MAPK10: variants seen among roughly 807,000 people sequenced by gnomAD.
The protein encoded by MAPK10 is mitogen-activated protein kinase 10, also known as JNK3 alpha protein kinase.
A neutral mutation model predicts 59.3 loss-of-function variants in MAPK10; 25 were observed. The ratio of observed to expected loss-of-function variants is 0.42; its 90% CI spans 0.31 to 0.59. The LOEUF (loss-of-function observed/expected upper bound fraction) is 0.59. MAPK10 is among the 20% of genes least tolerant of loss of function. The pLI is 0.15. For missense variants in MAPK10, 351 were observed against 568.9 expected (o/e 0.62, Z 3.90); for synonymous variants, 190 against 200.5 (o/e 0.95, Z 0.44).
chr4:86,435,626 C>G (rs552784699), intron 1 of MAPK10, among the ~76,000 whole-genome samples: 2 of 152,246 alleles, frequency 1.3e-5, no homozygotes, highest in South Asian at 4.2e-4. Context: ...GACTAGAGCT[C>G]AAATATTTAA....
chr4:86,523,109 CTT>C (rs1026080349), intron 1 of MAPK10, among the ~76,000 whole-genome samples: 1 of 152,166 alleles, frequency 6.6e-6, no homozygotes, highest in African/African-American at 2.4e-5. Context: ...TTCTACTACA[CTT>C]ATATTGATAT....
chr4:86,093,468 T>C (rs1468101175), intron 9 of MAPK10, among the ~76,000 whole-genome samples: 9 of 151,984 alleles, frequency 5.9e-5, no homozygotes, highest in South Asian at 2.1e-4. Context: ...TTAGCAGTTA[T>C]AAAATTAGAA....
intron 2 of MAPK10, among the ~76,000 whole-genome samples, chr4:86,258,648 G>T (rs991304746): frequency 1.3e-5 from 2 of 151,964 alleles, no homozygotes; most frequent in African/African-American, 4.8e-5. Flanking sequence ...CTTTGCTTTT[G>T]TCTCAGTGTT....
chr4:86,019,205 T>C (rs1199901919), intron 13 of MAPK10, among the ~76,000 whole-genome samples: 1 of 152,204 alleles, frequency 6.6e-6, no homozygotes, highest in Non-Finnish European at 1.5e-5. Context: ...TTCTTCCCGG[T>C]CATTCTTTTT....
chr4:86,486,106 C>T (rs1419413962), intron 1 of MAPK10, among the ~76,000 whole-genome samples: 1 of 152,294 alleles, frequency 6.6e-6, no homozygotes, highest in East Asian at 1.9e-4. Context: ...GACACAGTCA[C>T]AAATTAACTG....
intron 1 of MAPK10, among the ~76,000 whole-genome samples, chr4:86,493,396 A>C (rs1317297689): frequency 6.6e-6 from 1 of 152,218 alleles, no homozygotes; most frequent in Non-Finnish European, 1.5e-5. Context: ...ACAGAAAAGC[A>C]AATTTTAAAA....
At chr4:86,142,021 G>A (rs1478420978) in intron 4 of MAPK10, among the ~76,000 whole-genome samples, 1 of 152,122 alleles carries the variant, frequency 6.6e-6, no homozygotes, top group Non-Finnish European at 1.5e-5. Flanking sequence ...ACTTTCTTGG[G>A]AACTGATCTA....
intron 2 of MAPK10, among the ~76,000 whole-genome samples, chr4:86,223,047 C>A (rs1458961577): frequency 6.6e-6 from 1 of 152,200 alleles, no homozygotes; most frequent in Non-Finnish European, 1.5e-5. Flanking sequence ...CAAGAAACAG[C>A]CATTGACCCT....
At chr4:86,201,702 TA>T (rs1217808087) in intron 2 of MAPK10, among the ~76,000 whole-genome samples, 10 of 151,838 alleles carry the variant, frequency 6.6e-5, no homozygotes, top group African/African-American at 2.4e-4. Context: ...TTTATGAATT[TA>T]TTTTTTTATT....
chr4:86,474,740 T>C (rs1024186331), intron 1 of MAPK10, among the ~76,000 whole-genome samples: 1 of 152,212 alleles, frequency 6.6e-6, no homozygotes, highest in Non-Finnish European at 1.5e-5. Context: ...TGACTGGCCA[T>C]ATAAATGAAG....
At chr4:86,178,078 A>G (rs926077817) in intron 3 of MAPK10, among the ~76,000 whole-genome samples, 25 of 152,090 alleles carry the variant, frequency 1.6e-4, no homozygotes, top group Non-Finnish European at 2.5e-4. Context: ...CTCCACATTA[A>G]GACTGCTATT....
At chr4:86,550,388 A>AC (rs1759671232) in intron 1 of MAPK10, among the ~76,000 whole-genome samples, 1 of 71,382 alleles carries the variant, frequency 1.4e-5, no homozygotes, top group African/African-American at 3.9e-5. Context: ...AAAAAAAAAA[A>AC]AAAAAAAAAA....
intron 1 of MAPK10, among the ~76,000 whole-genome samples, chr4:86,507,798 GAC>G (rs764128351): frequency 6.7e-6 from 1 of 150,070 alleles, no homozygotes; most frequent in African/African-American, 2.5e-5. Context: ...AATCCTAAAA[GAC>G]AGAGCCTCAG....
chr4:86,391,621 A>G (rs1356261799), intron 1 of MAPK10, among the ~76,000 whole-genome samples: 3 of 152,184 alleles, frequency 2.0e-5, no homozygotes, highest in Non-Finnish European at 4.4e-5. Flanking sequence ...GGGACACTCA[A>G]GTGAAGGCAA....
At chr4:86,141,286 A>T (rs558846575) in intron 4 of MAPK10, among the ~76,000 whole-genome samples, 3 of 152,314 alleles carry the variant, frequency 2.0e-5, no homozygotes, top group Admixed American at 2.0e-4. Context: ...TATGGTGAAC[A>T]TGAGATAGTT....
At chr4:86,306,151 A>G (rs573104670) in intron 2 of MAPK10, among the ~76,000 whole-genome samples, 1 of 152,352 alleles carries the variant, frequency 6.6e-6, no homozygotes, top group African/African-American at 2.4e-5. Flanking sequence ...TTAAATATTA[A>G]TGTAAGTAGC....
At chr4:86,326,940 G>T (rs1394723552) in intron 2 of MAPK10, 1 of 152,134 alleles carries the variant, frequency 6.6e-6, no homozygotes, top group Non-Finnish European at 1.5e-5. Context: ...TGTGCAGCAG[G>T]AATGCATGTA....
At chr4:86,475,164 TA>T (rs1375555363) in intron 1 of MAPK10, among the ~76,000 whole-genome samples, 2 of 152,140 alleles carry the variant, frequency 1.3e-5, no homozygotes, top group Non-Finnish European at 2.9e-5. Context: ...CCCAGGTGAT[TA>T]AAAAGCTTTA....
intron 2 of MAPK10, among the ~76,000 whole-genome samples, chr4:86,213,735 C>T (rs140788462): frequency 4.8e-4 from 73 of 152,102 alleles, no homozygotes; most frequent in African/African-American, 1.6e-3. Flanking sequence ...AACATTCTGA[C>T]AAAGAAAAAG....
Sources: gnomAD v4.1 joint callset for allele counts (sites outside exome capture counted in the v4.1 genomes callset) on GRCh38, gnomAD v4.1.1 for gene constraint, MANE v1.5 for transcripts, NCBI Gene and HGNC (gene_info 2026-07-23, HGNC 2026-07-21) for gene names.